GPR180: variants seen among roughly 807,000 people sequenced by gnomAD.
GPR180 encodes the protein G protein-coupled receptor 180, also known as integral membrane protein GPR180.
A neutral mutation model predicts 52.6 loss-of-function variants in GPR180; 53 were observed. The ratio of observed to expected loss-of-function variants is 1.01; its 90% confidence interval spans 0.81 to 1.27. The LOEUF is 1.27. Among genes scored for constraint, GPR180 ranks in the 50% most tolerant of loss-of-function variants. The pLI, the probability that GPR180 is intolerant of heterozygous loss-of-function variation, is 0.00. For synonymous variants in GPR180, 200 were observed against 193.1 expected (o/e 1.04, Z -0.30); for missense variants, 533 against 527.0 (o/e 1.01, Z -0.11).
At chr13:94,621,375 A>G in intron 6 of GPR180, 140 bp downstream of exon 6, 1 of 577,464 alleles carries the variant, frequency 1.7e-6, no homozygotes, top group South Asian at 3.5e-5. Flanking sequence ...AGCTTCTACA[A>G]TTTGTGTCAT....
At chr13:94,609,685 C>T (rs149210368) in intron 2 of GPR180, among the ~76,000 whole-genome samples, 4 of 151,468 alleles carry the variant, frequency 2.6e-5, no homozygotes, top group African/African-American at 9.7e-5. Context: ...TAAATTCTTA[C>T]TAAAAGTCTT....
intron 8 of GPR180, among the ~76,000 whole-genome samples, chr13:94,626,429 A>G (rs1184825915): frequency 6.6e-6 from 1 of 152,174 alleles, no homozygotes; most frequent in African/African-American, 2.4e-5. Flanking sequence ...GCCATGCTCA[A>G]GTATGATGCA....
rs1218770165 is a variant in GPR180 at position 94,628,849 on chromosome 13, A to G, written c.*1678A>G. 6.6e-6 allele frequency: 1 copy of G among 152,088 alleles called. No homozygotes were observed. The highest frequency in any genetic ancestry group is 1.9e-4 in the East Asian group (1 of 5,198). The allele number at this position is 152,088 out of a possible 1,614,324, so 9.4% of individuals were successfully genotyped here. A position where few individuals can be genotyped will look rare whatever the true frequency, so the allele number is the denominator to read the frequency against. On this transcript the variant is annotated 3_prime_UTR_variant, in exon 9 of 9. Coordinates refer to ENST00000376958, the MANE Select transcript of GPR180 (RefSeq NM_180989.6). Reference sequence around the variant, plus strand: ...CTGTTGTGTTCAGCTGAGATGCAAAAAAGAAATTAAGCAAAAAAGAAAAAG... The same window carrying G: ...CTGTTGTGTTCAGCTGAGATGCAAAGAAGAAATTAAGCAAAAAAGAAAAAG...
intron 8 of GPR180, 126 bp from the exon 9 acceptor site, chr13:94,626,887 C>G: frequency 1.4e-6 from 1 of 714,688 alleles, no homozygotes; most frequent in Non-Finnish European, 2.1e-6. Context: ...ATAAAATGTA[C>G]CTATGGTAAA....
intron 2 of GPR180, among the ~76,000 whole-genome samples, chr13:94,610,954 T>C (rs1199840771): frequency 6.6e-6 from 1 of 152,198 alleles, no homozygotes; most frequent in Non-Finnish European, 1.5e-5. Flanking sequence ...AAAGCAGAAT[T>C]GACATTTAGC....
rs1430881036 is a variant in GPR180, at chr13:94,626,091, C to G, written c.1164+48C>G. On this transcript the variant is annotated intron_variant, in intron 8 of 8. Transcript: ENST00000376958. The stretch of plus-strand genomic sequence containing the variant: ...GTAGTTTTCTTAATGAAAATATTGT[C>G]TTAATTGGGAGAATATTTAAATAGG... 7 of 1,272,376 alleles carry G rather than the reference C, an allele frequency of 5.5e-6. No homozygotes were observed. In the African/African-American group the frequency reaches 1.0e-4, roughly 19 times the overall value. 78.8% of individuals were successfully genotyped at this position (1,272,376 alleles called of 1,614,324 possible).
chr13:94,605,286 G>A, intron 1 of GPR180, 105 bp from the exon 2 acceptor site: 2 of 947,320 alleles, frequency 2.1e-6, no homozygotes, highest in South Asian at 1.4e-5. Flanking sequence ...AAGAAGAATT[G>A]TGCTTTTTAA....
At chr13:94,618,801 T>G (rs957161028) in intron 3 of GPR180, among the ~76,000 whole-genome samples, 2 of 152,310 alleles carry the variant, frequency 1.3e-5, no homozygotes, top group East Asian at 3.9e-4. Flanking sequence ...AAATTCACTT[T>G]GGGGGTAAAA....
rs533828955 is a variant in GPR180, at chr13:94,619,577, T to A, written c.736+60T>A. ...TTACACTCGCTATCTGCTTTTTTTT[T>A]ATTTCTTGTCATAGTATAAATTTTC... On this transcript the variant is annotated intron_variant, in intron 5 of 8. Coordinates refer to ENST00000376958, the MANE Select transcript of GPR180 (RefSeq NM_180989.6). 2.5e-4 allele frequency: 332 copies of A among 1,351,776 alleles called. 2 individuals are homozygous for A. The African/African-American group carries it at 3.5e-3, about 14-fold the overall frequency. 83.7% of individuals were successfully genotyped at this position (1,351,776 alleles called of 1,614,324 possible). A position where few individuals can be genotyped will look rare whatever the true frequency, so the allele number is the denominator to read the frequency against.
chr13:94,612,043 G>A lies in GPR180; in HGVS notation c.305-147G>A, dbSNP rs544289249. 1.9e-4 allele frequency: 116 copies of A among 617,870 alleles called. 2 individuals are homozygous for A. The South Asian group carries it at 2.3e-3, about 12-fold the overall frequency. 38.3% of individuals were successfully genotyped at this position (617,870 alleles called of 1,614,324 possible). ...TATTCTATAAATATCTGGTTTACAA[G>A]ACTTATTCCAAATACTACACAAGGT... On this transcript the variant is annotated intron_variant, in intron 2 of 8. Coordinates refer to ENST00000376958, the MANE Select transcript of GPR180 (RefSeq NM_180989.6).
Position 94,627,070 on chromosome 13 carries a change from C to A in GPR180, c.1222C>A (p.Leu408Ile). The change falls in exon 9 of 9, where the codon CTC (leucine) becomes ATC (isoleucine). Residue 408 changes from leucine (L) to isoleucine (I), a missense_variant. Coordinates refer to ENST00000376958, the MANE Select transcript of GPR180 (RefSeq NM_180989.6). ...QSVSMVILYR[L>I]FLSHSLYWEV... ...TGTTTCCATGGTTATTCTCTACAGA[C>A]TCTTTCTGTCTCACAGTCTATACTG... is the stretch of plus-strand genomic sequence containing the variant. The A allele has an allele frequency of 6.2e-7, 1 of 1,611,594 alleles. No individual in the cohort carries two copies. The highest frequency in any genetic ancestry group is 8.5e-7 in the Non-Finnish European group (1 of 1,178,114).
intron 2 of GPR180, among the ~76,000 whole-genome samples, chr13:94,606,236 C>T (rs1048311017): frequency 3.9e-5 from 6 of 152,220 alleles, no homozygotes; most frequent in African/African-American, 1.4e-4. Context: ...GCAGAGGTTG[C>T]AGTGAGCCAA....
intron 6 of GPR180, among the ~76,000 whole-genome samples, chr13:94,621,693 A>G (rs1010592011): frequency 3.9e-5 from 6 of 152,208 alleles, no homozygotes; most frequent in Non-Finnish European, 7.4e-5. Context: ...GTGATTATCT[A>G]AGATTAATTA....
intron 1 of GPR180, among the ~76,000 whole-genome samples, chr13:94,602,364 T>A (rs535175758): frequency 1.3e-5 from 2 of 152,178 alleles, no homozygotes; most frequent in Non-Finnish European, 2.9e-5. Context: ...TGGAAGCCAA[T>A]GTGCAAAAGA....
In GPR180 at chr13:94,623,166, C is replaced by T; in HGVS notation, c.952C>T (p.His318Tyr). 1 of 1,613,984 alleles carries T rather than the reference C, an allele frequency of 6.2e-7. No homozygotes were observed. The highest frequency in any genetic ancestry group is 8.5e-7 in the Non-Finnish European group (1 of 1,179,916). The change falls in exon 7 of 9, where the codon CAC becomes TAC. Residue 318 changes from histidine (H) to tyrosine (Y), a missense_variant. Transcript: ENST00000376958. Reference protein sequence around the residue: ...EDISHHSYHSHHNLAGILLIV... With the variant: ...EDISHHSYHSYHNLAGILLIV... The stretch of plus-strand genomic sequence containing the variant: ...TATCAGTCATCATAGCTACCATTCA[C>T]ACCACAACTTAGCAGGGATCCTCCT...
intron 2 of GPR180, among the ~76,000 whole-genome samples, chr13:94,606,027 C>A (rs1388657180): frequency 6.6e-6 from 1 of 152,156 alleles, no homozygotes; most frequent in South Asian, 2.1e-4. Context: ...TGCAGTGGCT[C>A]AGGCCTGTAA....
At chr13:94,625,936 C>G (rs1404145951) in intron 7 of GPR180, 30 bp from the exon 8 acceptor site, 2 of 1,558,164 alleles carry the variant, frequency 1.3e-6, no homozygotes, top group East Asian at 2.3e-5. Flanking sequence ...CTACACAGTT[C>G]TACTTATTTC....
intron 3 of GPR180, among the ~76,000 whole-genome samples, chr13:94,617,384 T>C (rs1889792143): frequency 6.6e-6 from 1 of 152,178 alleles, no homozygotes; most frequent in South Asian, 2.1e-4. Flanking sequence ...GCATTTTTAT[T>C]TTCTGTCTTG....
At chr13:94,615,927 A>G (rs773222109) in intron 3 of GPR180, among the ~76,000 whole-genome samples, 2 of 152,242 alleles carry the variant, frequency 1.3e-5, no homozygotes, top group South Asian at 2.1e-4. Flanking sequence ...TTAAAGTAAC[A>G]GAAAACCCTA....
Sources: gnomAD v4.1 joint callset for allele counts (sites outside exome capture counted in the v4.1 genomes callset) on GRCh38, gnomAD v4.1.1 for gene constraint, MANE v1.5 for transcripts, NCBI Gene and HGNC (gene_info 2026-07-23, HGNC 2026-07-21) for gene names.